Variants in STAG1 observed in about 807,000 individuals in gnomAD.
The protein encoded by STAG1 is STAG1 cohesin complex component.
STAG1 carries 26 observed loss-of-function variants against 170.9 expected under a neutral mutation model. The observed-to-expected ratio is 0.15, with a 90% CI of 0.11 to 0.21. The LOEUF is 0.21. STAG1 is among the 10% of genes least tolerant of loss of function. The pLI, the probability that STAG1 is intolerant of heterozygous loss-of-function variation, is 1.00. For synonymous variants in STAG1, 514 were observed against 497.7 expected (o/e 1.03, Z -0.44); for missense variants, 964 against 1,509.5 (o/e 0.64, Z 5.99).
At chr3:136,397,349 C>A (rs941650936) in intron 22 of STAG1, among the ~76,000 whole-genome samples, 2 of 152,200 alleles carry the variant, frequency 1.3e-5, no homozygotes, top group African/African-American at 4.8e-5. Flanking sequence ...GTGGAAAATT[C>A]TTTAAGGCAA....
intron 21 of STAG1, among the ~76,000 whole-genome samples, chr3:136,417,066 C>T (rs1391422039): frequency 2.6e-5 from 4 of 151,920 alleles, no homozygotes; most frequent in Admixed American, 6.6e-5. Flanking sequence ...AGGCTGGTCT[C>T]GAACTTCTGA....
intron 4 of STAG1, among the ~76,000 whole-genome samples, chr3:136,597,646 A>AT (rs1938488016): frequency 6.6e-6 from 1 of 152,140 alleles, no homozygotes; most frequent in African/African-American, 2.4e-5. Context: ...AAGGCTACTG[A>AT]TTTTTTAAAC....
chr3:136,369,320 CAAATAT>C, intron 23 of STAG1, 38 bp from the exon 24 acceptor site: 2 of 1,493,026 alleles, frequency 1.3e-6, no homozygotes, highest in South Asian at 2.6e-5. Context: ...AAATATTACA[CAAATAT>C]AACTACAAGT....
intron 21 of STAG1, among the ~76,000 whole-genome samples, 161 bp from the exon 22 acceptor site, chr3:136,398,990 T>C (rs2087244763): frequency 1.3e-5 from 2 of 152,266 alleles, no homozygotes; most frequent in Non-Finnish European, 2.9e-5. Flanking sequence ...AATACTTGGT[T>C]AAAAAGGACA....
chr3:136,493,560 C>T (rs1163839509), intron 9 of STAG1, among the ~76,000 whole-genome samples: 1 of 145,946 alleles, frequency 6.9e-6, no homozygotes, highest in Non-Finnish European at 1.5e-5. Context: ...GGGGCTGAGG[C>T]GGGAGTACTG....
At chr3:136,523,064 A>T (rs1347341436) in intron 6 of STAG1, among the ~76,000 whole-genome samples, 1 of 152,190 alleles carries the variant, frequency 6.6e-6, no homozygotes. Flanking sequence ...CATGATTTAT[A>T]ATCCTTTGGA....
At chr3:136,593,085 T>C (rs530598675) in intron 4 of STAG1, among the ~76,000 whole-genome samples, 7 of 152,190 alleles carry the variant, frequency 4.6e-5, no homozygotes, top group Non-Finnish European at 1.0e-4. Flanking sequence ...GGCCTTTAAA[T>C]ATCCTTTCTG....
At chr3:136,550,211 A>G (rs1174940638) in intron 5 of STAG1, among the ~76,000 whole-genome samples, 1 of 152,118 alleles carries the variant, frequency 6.6e-6, no homozygotes. Context: ...AACTGGCATT[A>G]ATTCTTTAAA....
At chr3:136,673,015 T>C (rs935164209) in intron 1 of STAG1, among the ~76,000 whole-genome samples, 5 of 152,232 alleles carry the variant, frequency 3.3e-5, no homozygotes, top group African/African-American at 1.2e-4. Context: ...CCAATGTCAT[T>C]ATACATGGAA....
intron 1 of STAG1, among the ~76,000 whole-genome samples, chr3:136,686,663 T>C (rs1942542144): frequency 6.6e-6 from 1 of 152,232 alleles, no homozygotes; most frequent in Non-Finnish European, 1.5e-5. Flanking sequence ...AACCCAATTT[T>C]GAAAGTAACC....
intron 1 of STAG1, among the ~76,000 whole-genome samples, chr3:136,712,168 C>T (rs181292644): frequency 6.6e-6 from 1 of 152,310 alleles, no homozygotes; most frequent in African/African-American, 2.4e-5. Context: ...CAGGCGCACG[C>T]CACCACACCC....
rs545148943 is a variant in STAG1 at position 136,525,491 on chromosome 3, TC to T, written c.472-4075del. Among the ~76,000 whole-genome samples the T allele has an allele frequency of 9.8e-5, 15 of 152,310 alleles. No individual in the cohort carries two copies. In the South Asian group the frequency reaches 3.1e-3, roughly 32 times the overall value. On this transcript the variant is annotated intron_variant, in intron 6 of 33. Transcript: ENST00000383202. Reference sequence around the variant, plus strand: ...TCTATTTGAGTCTTCTCTCTTTTCTTCTTTATTAGCCTTGCCAGTGGTCTAT... The same window carrying T: ...TCTATTTGAGTCTTCTCTCTTTTCTTTTTATTAGCCTTGCCAGTGGTCTAT...
intron 1 of STAG1, among the ~76,000 whole-genome samples, chr3:136,743,245 G>A (rs1934766397): frequency 6.6e-6 from 1 of 151,992 alleles, no homozygotes; most frequent in Non-Finnish European, 1.5e-5. Context: ...GAGGGCACCT[G>A]TAATCCCAGC....
intron 4 of STAG1, among the ~76,000 whole-genome samples, chr3:136,602,928 T>C (rs1938740465): frequency 6.6e-6 from 1 of 152,168 alleles, no homozygotes; most frequent in African/African-American, 2.4e-5. Flanking sequence ...AATTTAAATA[T>C]TGTCATCCAT....
chr3:136,388,962 T>C (rs1200830409), intron 22 of STAG1, among the ~76,000 whole-genome samples: 1 of 152,112 alleles, frequency 6.6e-6, no homozygotes, highest in Admixed American at 6.5e-5. Context: ...TTTTTATATA[T>C]AATAAGTTTA....
intron 1 of STAG1, among the ~76,000 whole-genome samples, chr3:136,665,676 A>G (rs1012675315): frequency 6.6e-6 from 1 of 150,912 alleles, no homozygotes; most frequent in African/African-American, 2.4e-5. Flanking sequence ...GCTACTGGGG[A>G]GGCTGAGGCA....
At chr3:136,338,515 C>T in intron 32 of STAG1, 65 bp from the exon 33 acceptor site, 4 of 1,192,604 alleles carry the variant, frequency 3.4e-6, no homozygotes, top group Admixed American at 1.8e-5. Flanking sequence ...TTGTGATAAT[C>T]AGCTAATATT....
chr3:136,423,976 G>A (rs2088036413), intron 16 of STAG1, among the ~76,000 whole-genome samples: 1 of 151,690 alleles, frequency 6.6e-6, no homozygotes, highest in Non-Finnish European at 1.5e-5. Flanking sequence ...TGATTCTCCT[G>A]CATCAGCCTC....
At chr3:136,447,934 A>G (rs2088831533) in intron 14 of STAG1, among the ~76,000 whole-genome samples, 1 of 152,054 alleles carries the variant, frequency 6.6e-6, no homozygotes, top group Admixed American at 6.6e-5. Context: ...ACTTTTTATA[A>G]TAAATTCTAG....
Sources: gnomAD v4.1 joint callset for allele counts (sites outside exome capture counted in the v4.1 genomes callset) on GRCh38, gnomAD v4.1.1 for gene constraint, MANE v1.5 for transcripts, NCBI Gene and HGNC (gene_info 2026-07-23, HGNC 2026-07-21) for gene names.